Variants in IRAK1BP1 observed in about 807,000 individuals in gnomAD.
The protein encoded by IRAK1BP1 is interleukin 1 receptor associated kinase 1 binding protein 1.
Under a neutral mutation model 28.0 loss-of-function variants are expected in IRAK1BP1, and 24 were observed. The observed-to-expected ratio is 0.86, with a 90% confidence interval of 0.62 to 1.20. The LOEUF is 1.20. IRAK1BP1 is among the 50% of genes most tolerant of loss of function. IRAK1BP1 has a pLI of 0.00. For missense variants in IRAK1BP1, 336 were observed against 316.7 expected, an observed-to-expected ratio of 1.06 and a Z score of -0.46; for synonymous variants, 131 against 116.3, an observed-to-expected ratio of 1.13 and a Z score of -0.81.
chr6:78,947,550 A>C (rs190087622), downstream of IRAK1BP1: 1 of 713,596 alleles, frequency 1.4e-6, no homozygotes, highest in Admixed American at 2.8e-5. Flanking sequence ...ATTTTAAGTA[A>C]AGCAACATTT....
intron 1 of IRAK1BP1, among the ~76,000 whole-genome samples, chr6:78,868,123 G>T (rs1256877586): frequency 6.6e-6 from 1 of 152,200 alleles, no homozygotes; most frequent in African/African-American, 2.4e-5. Context: ...AAAAATAAAA[G>T]AATGCAAATT....
the IRAK1BP1 span, among the ~76,000 whole-genome samples, chr6:78,962,642 T>G: frequency 2.0e-5 from 3 of 152,256 alleles, no homozygotes; most frequent in East Asian, 5.8e-4. Context: ...GGTCACTGTT[T>G]TCTTTTAACA....
chr6:78,963,078 C>T, the IRAK1BP1 span: 34 of 1,564,078 alleles, frequency 2.2e-5, no homozygotes, highest in East Asian at 4.4e-4. Context: ...TTTCTATACT[C>T]GCGTGTTGCT....
At chr6:78,971,568 C>A in the IRAK1BP1 span, among the ~76,000 whole-genome samples, 6 of 152,154 alleles carry the variant, frequency 3.9e-5, no homozygotes, top group African/African-American at 1.4e-4. Flanking sequence ...CAGCTCCCAG[C>A]CTGAACGATG....
the IRAK1BP1 span, chr6:78,955,111 A>T: frequency 1.1e-6 from 1 of 870,118 alleles, no homozygotes; most frequent in Non-Finnish European, 1.7e-6. Context: ...TACATTTTGT[A>T]ATTGAAACTA....
chr6:78,945,612 A>G, exon 5 of IRAK1BP1: 1 of 692,906 alleles, frequency 1.4e-6, no homozygotes, highest in Non-Finnish European at 2.5e-6. Flanking sequence ...AGGATGCTTA[A>G]AGCTTTCTTA....
At chr6:78,889,837 T>C (rs535206704) in intron 2 of IRAK1BP1, among the ~76,000 whole-genome samples, 33 of 151,978 alleles carry the variant, frequency 2.2e-4, no homozygotes, top group African/African-American at 8.0e-4. Context: ...GTAAATTAGT[T>C]CAACCATTTT....
rs1412018534 is a variant in IRAK1BP1, at chr6:78,902,995, C to T, written c.*4661C>T. 1 of 1,491,096 alleles carries T rather than the reference C, an allele frequency of 6.7e-7. No homozygotes were observed. Among genetic ancestry groups the T allele is most frequent in the African/African-American group, 1.4e-5 (1 of 72,116 alleles). 92.4% of individuals were successfully genotyped at this position (1,491,096 alleles called of 1,614,324 possible). On this transcript the variant is annotated 3_prime_UTR_variant, in exon 4 of 4. Coordinates refer to ENST00000369940, the MANE Select transcript of IRAK1BP1 (RefSeq NM_001010844.4). ...CAGAAGGATATTTCTGTTTCAGCAA[C>T]TCCTGGAATCCTTCTTCAACATCCC...
intron 4 of IRAK1BP1, among the ~76,000 whole-genome samples, chr6:78,930,467 A>G (rs190065085): frequency 1.3e-5 from 2 of 152,274 alleles, no homozygotes; most frequent in Admixed American, 1.3e-4. Flanking sequence ...ATTTTGCTAT[A>G]TATATTAATG....
intron 2 of IRAK1BP1, among the ~76,000 whole-genome samples, chr6:78,889,673 T>G (rs1177020316): frequency 6.6e-6 from 1 of 151,334 alleles, no homozygotes; most frequent in Non-Finnish European, 1.5e-5. Context: ...GAAAAAAAGC[T>G]CATCATCACC....
intron 1 of IRAK1BP1, among the ~76,000 whole-genome samples, chr6:78,882,088 G>A (rs2174743): frequency 0.45 from 68,877 of 151,812 alleles, 16,221 homozygotes; most frequent in East Asian, 0.7. Context: ...CACCCCAATA[G>A]CAGTGAGCAG....
intron 1 of IRAK1BP1, among the ~76,000 whole-genome samples, chr6:78,876,018 T>G (rs1477800108): frequency 1.3e-5 from 2 of 152,214 alleles, no homozygotes; most frequent in African/African-American, 2.4e-5. Context: ...GTTATCATCA[T>G]GATTTGTGCT....
Position 78,933,685 on chromosome 6 carries a change from T to G in IRAK1BP1, c.*68-11723T>G, listed in dbSNP as rs564691625. ...GCTTCCAACTTTTTTTTTTTTTTTT[T>G]TGGCAGCTTTCTTGCCTCTCTCACC... is the stretch of plus-strand genomic sequence containing the variant. On this transcript the variant is annotated intron_variant and NMD_transcript_variant, in intron 4 of 4. Coordinates refer to the IRAK1BP1 transcript ENST00000606868. Among the ~76,000 whole-genome samples, 14 of 147,880 alleles carry G rather than the reference T, an allele frequency of 9.5e-5. No individual in the cohort carries two copies. The East Asian group carries it at 2.5e-3, about 27-fold the overall frequency.
chr6:78,889,799 G>A (rs943774341), intron 2 of IRAK1BP1, among the ~76,000 whole-genome samples: 1 of 152,110 alleles, frequency 6.6e-6, no homozygotes, highest in African/African-American at 2.4e-5. Flanking sequence ...TGGAGAAATA[G>A]GAACACTTTT....
chr6:78,935,541 G>A, intron 4 of IRAK1BP1: 1 of 966,916 alleles, frequency 1.0e-6, no homozygotes, highest in Non-Finnish European at 1.2e-6. Context: ...GAATAGTGAA[G>A]TATTTATCAC....
In IRAK1BP1 at chr6:78,877,681, G is replaced by A. The variant is rs1377557929; in HGVS notation, c.316-7697G>A. 2.6e-5 allele frequency among the ~76,000 whole-genome samples: 4 copies of A among 152,234 alleles called. No homozygotes were observed. The East Asian group carries it at 7.7e-4, about 29-fold the overall frequency. Reference sequence around the variant, plus strand: ...TGCAGCCCATGGAGCGTGAGCCGAAGCAGGGCGAGGCATCACCTTACCCGG... The same window carrying A: ...TGCAGCCCATGGAGCGTGAGCCGAAACAGGGCGAGGCATCACCTTACCCGG... On this transcript the variant is annotated intron_variant, in intron 1 of 3. Coordinates refer to ENST00000369940, the MANE Select transcript of IRAK1BP1 (RefSeq NM_001010844.4).
chr6:78,945,621 T>C, exon 5 of IRAK1BP1: 1 of 671,416 alleles, frequency 1.5e-6, no homozygotes, highest in Non-Finnish European at 2.6e-6. Flanking sequence ...AAAGCTTTCT[T>C]AGGAAAGCTA....
chr6:78,930,189 G>C (rs1773006495), intron 4 of IRAK1BP1, among the ~76,000 whole-genome samples: 1 of 152,158 alleles, frequency 6.6e-6, no homozygotes, highest in South Asian at 2.1e-4. Flanking sequence ...AGAGTGCTGA[G>C]ATTACAGTTG....
the IRAK1BP1 span, among the ~76,000 whole-genome samples, chr6:78,962,764 C>G: frequency 6.6e-6 from 1 of 152,244 alleles, no homozygotes; most frequent in Non-Finnish European, 1.5e-5. Context: ...TATAACTCAG[C>G]TTTCAATCCT....
Sources: gnomAD v4.1 joint callset for allele counts (sites outside exome capture counted in the v4.1 genomes callset) on GRCh38, gnomAD v4.1.1 for gene constraint, MANE v1.5 for transcripts, NCBI Gene and HGNC (gene_info 2026-07-23, HGNC 2026-07-21) for gene names.